The following CYSLTR1 variants were observed in gnomAD, a reference collection of about 807,000 sequenced individuals.
The protein encoded by CYSLTR1 is G-protein coupled receptor HG55.
A neutral mutation model predicts 2.1 loss-of-function variants in CYSLTR1; 1 was observed. The observed-to-expected ratio is 0.48, with a 90% CI of 0.17 to 2.28. The LOEUF (loss-of-function observed/expected upper bound fraction) is 2.28, where lower values mean the gene tolerates loss of function less well. CYSLTR1 is among the 30% of genes most tolerant of loss of function. CYSLTR1 has a pLI of 0.26. For missense variants in CYSLTR1, 299 were observed against 250.1 expected, an observed-to-expected ratio of 1.20 and a Z score of -1.32; for synonymous variants, 110 against 89.6, an observed-to-expected ratio of 1.23 and a Z score of -1.28.
chrX:78,302,421 G>T (rs181966460), intron 1 of CYSLTR1, among the ~76,000 whole-genome samples: 1 of 111,277 alleles, frequency 9.0e-6, no homozygotes, highest in African/African-American at 3.3e-5. Flanking sequence ...TTCTGGCTGA[G>T]CTGGTACCTG....
intron 1 of CYSLTR1, among the ~76,000 whole-genome samples, chrX:78,295,253 G>A (rs957013628): frequency 9.0e-5 from 10 of 111,374 alleles, no homozygotes; most frequent in South Asian, 7.6e-4. Flanking sequence ...TATATGTACC[G>A]TCTTTTTCTT....
intron 1 of CYSLTR1, among the ~76,000 whole-genome samples, chrX:78,294,759 G>C (rs895790679): frequency 1.7e-4 from 19 of 112,872 alleles, no homozygotes; most frequent in African/African-American, 6.1e-4. Context: ...TAGTGAGCAA[G>C]GCTCTGTGTG....
At chrX:78,277,805 A>G (rs1452030570) in intron 2 of CYSLTR1, among the ~76,000 whole-genome samples, 3 of 112,312 alleles carry the variant, frequency 2.7e-5, no homozygotes. Flanking sequence ...TTAAAGGTAC[A>G]TCAGCCTACA....
intron 1 of CYSLTR1, among the ~76,000 whole-genome samples, chrX:78,303,710 G>T (rs1922915269): frequency 8.9e-6 from 1 of 111,909 alleles, no homozygotes; most frequent in African/African-American, 3.3e-5. Context: ...AGTGACAATT[G>T]TTGCGTGGAC....
chrX:78,305,018 C>T lies in CYSLTR1; in HGVS notation c.-114-21478G>A, dbSNP rs563591671. Among the ~76,000 whole-genome samples, 7 of 111,599 alleles carry T rather than the reference C, an allele frequency of 6.3e-5. No individual in the cohort carries two copies. The South Asian group carries it at 2.6e-3, about 42-fold the overall frequency. On this transcript the variant is annotated intron_variant, in intron 1 of 2. Coordinates refer to ENST00000373304, the MANE Select transcript of CYSLTR1 (RefSeq NM_006639.4). Reference sequence around the variant, plus strand: ...GGCCAGGAGAAATATCAGCCCGACCCTCAGTTTGGTCTGGAAACAGTATGG... The same window carrying T: ...GGCCAGGAGAAATATCAGCCCGACCTTCAGTTTGGTCTGGAAACAGTATGG...
At chrX:78,285,465 T>C (rs955794233) in intron 1 of CYSLTR1, among the ~76,000 whole-genome samples, 1 of 110,424 alleles carries the variant, frequency 9.1e-6, no homozygotes, top group African/African-American at 3.3e-5. Context: ...CCTGAAATTA[T>C]ATGATTCTAC....
chrX:78,289,461 T>TC (rs1347445928), intron 1 of CYSLTR1, among the ~76,000 whole-genome samples: 10 of 112,118 alleles, frequency 8.9e-5, no homozygotes, highest in African/African-American at 3.2e-4. Context: ...TGATTTATAA[T>TC]CTTTGGGTAT....
rs760115491 is a variant in CYSLTR1 at position 78,273,725 on chromosome X, T to G, written c.22A>C (p.Thr8Pro). 1.7e-6 allele frequency: 2 copies of G among 1,198,187 alleles called. No homozygotes were observed. The highest frequency in any genetic ancestry group is 2.3e-6 in the Non-Finnish European group (2 of 886,215). MDETGNL[T>P]VSSATCHDTI... The stretch of plus-strand genomic sequence containing the variant: ...TCATGGCATGTGGCAGAAGATACTG[T>G]CAGATTTCCTGTTTCATCCATGTTT... The change falls in exon 3 of 3, where the codon ACA (threonine) becomes CCA (proline). Residue 8 changes from threonine (T) to proline (P), a missense_variant. Coordinates refer to ENST00000373304, the MANE Select transcript of CYSLTR1 (RefSeq NM_006639.4).
intron 1 of CYSLTR1, among the ~76,000 whole-genome samples, chrX:78,315,671 G>A (rs1280082633): frequency 9.0e-6 from 1 of 111,507 alleles, no homozygotes; most frequent in African/African-American, 3.3e-5. Flanking sequence ...AGGCTTCTCT[G>A]CTTTGGAATG....
chrX:78,294,191 A>C (rs942284093), intron 1 of CYSLTR1, among the ~76,000 whole-genome samples: 11 of 112,386 alleles, frequency 9.8e-5, no homozygotes, highest in African/African-American at 3.6e-4. Context: ...TCTGTTTGTT[A>C]GTTTTCCTTC....
chrX:78,305,108 A>G (rs1168146512), intron 1 of CYSLTR1, among the ~76,000 whole-genome samples: 1 of 111,504 alleles, frequency 9.0e-6, no homozygotes, highest in Non-Finnish European at 1.9e-5. Context: ...AATCTACTCT[A>G]TAGAGTTTCT....
At chrX:78,318,027 A>G (rs370234140) in intron 1 of CYSLTR1, among the ~76,000 whole-genome samples, 1 of 112,284 alleles carries the variant, frequency 8.9e-6, no homozygotes, top group East Asian at 2.8e-4. Flanking sequence ...CAGTAACCCC[A>G]TTACTGGGTA....
chrX:78,279,462 G>A (rs898864556), intron 2 of CYSLTR1, among the ~76,000 whole-genome samples: 1 of 111,420 alleles, frequency 9.0e-6, no homozygotes, highest in African/African-American at 3.3e-5. Context: ...AGATGTCGGC[G>A]AGTTTGCAAA....
rs183061090 is a variant in CYSLTR1 at position 78,306,608 on chromosome X, T to G, written c.-115+20697A>C. On this transcript the variant is annotated intron_variant, in intron 1 of 2. Transcript: ENST00000373304. ...TAGCTTAATTTTCTAATGAAGCAAA[T>G]ACAATATGGATAAAGTGGCAATAAC... 3.9e-3 allele frequency among the ~76,000 whole-genome samples: 439 copies of G among 112,050 alleles called. 1 individual carries two copies. Among genetic ancestry groups the G allele is most frequent in the African/African-American group, 0.014 (421 of 30,879 alleles).
chrX:78,311,425 C>A (rs1923215106), intron 1 of CYSLTR1, among the ~76,000 whole-genome samples: 1 of 111,365 alleles, frequency 9.0e-6, no homozygotes, highest in Admixed American at 9.6e-5. Context: ...GGCCACAGAG[C>A]AAATGTTATG....
At chrX:78,293,951 GTTA>G (rs1470011003) in intron 1 of CYSLTR1, among the ~76,000 whole-genome samples, 1 of 112,053 alleles carries the variant, frequency 8.9e-6, no homozygotes, top group Non-Finnish European at 1.9e-5. Flanking sequence ...GGAGAAGTTT[GTTA>G]TTATTGATCT....
At chrX:78,316,187 G>A (rs1030910404) in intron 1 of CYSLTR1, among the ~76,000 whole-genome samples, 6 of 112,566 alleles carry the variant, frequency 5.3e-5, no homozygotes, top group Non-Finnish European at 7.5e-5. Flanking sequence ...CCTTATAGGC[G>A]CTCCCATTAT....
chrX:78,323,632 T>A lies in CYSLTR1; in HGVS notation c.-115+3673A>T, dbSNP rs184248385. On this transcript the variant is annotated intron_variant, in intron 1 of 2. Transcript: ENST00000373304. ...CTGTTAATCTGAAATTTATGAGAAATCTTAAGAAGTCATATACTTTAGACA... is the reference window on the plus strand; with the variant it reads ...CTGTTAATCTGAAATTTATGAGAAAACTTAAGAAGTCATATACTTTAGACA... Among the ~76,000 whole-genome samples, 434 of 112,118 alleles carry A rather than the reference T, an allele frequency of 3.9e-3. 1 individual carries two copies. Among genetic ancestry groups the A allele is most frequent in the African/African-American group, 0.014 (419 of 30,882 alleles).
chrX:78,324,335 G>A (rs1923781758), intron 1 of CYSLTR1, among the ~76,000 whole-genome samples: 1 of 112,269 alleles, frequency 8.9e-6, no homozygotes, highest in African/African-American at 3.2e-5. Context: ...TTCTTGCTAT[G>A]AGTCTATCAG....
Sources: allele counts gnomAD v4.1 joint callset (sites outside exome capture counted in the v4.1 genomes callset), GRCh38; gene constraint gnomAD v4.1.1; transcripts MANE v1.5; gene names NCBI Gene and HGNC (gene_info 2026-07-23, HGNC 2026-07-21).